Variants in DNAAF9 observed in about 807,000 individuals in gnomAD.
The protein encoded by DNAAF9 is shulin.
DNAAF9 carries 90 observed loss-of-function variants against 167.0 expected under a neutral mutation model. That is an observed-to-expected ratio of 0.54 (90% confidence interval 0.45 to 0.64). DNAAF9 has a LOEUF of 0.64. DNAAF9 is among the 30% of genes least tolerant of loss of function. The pLI is 0.00. For synonymous variants in DNAAF9, 491 were observed against 508.8 expected (o/e 0.96, Z 0.47); for missense variants, 1,315 against 1,442.2 (o/e 0.91, Z 1.43).
chr20:3,368,183 C>A (rs532049584), intron 6 of DNAAF9, among the ~76,000 whole-genome samples: 14 of 152,270 alleles, frequency 9.2e-5, no homozygotes, highest in Non-Finnish European at 2.1e-4. Flanking sequence ...CTTTAGTACT[C>A]TAACTGCTTT....
intron 30 of DNAAF9, among the ~76,000 whole-genome samples, chr20:3,265,576 GA>G (rs1228259726): frequency 0.026 from 882 of 33,858 alleles, 2 homozygotes; most frequent in African/African-American, 0.033. Flanking sequence ...CTCTGTCTCA[GA>G]AAAAAAAAAA....
At chr20:3,295,880 G>C (rs1483042227) in intron 23 of DNAAF9, 8 of 1,162,422 alleles carry the variant, frequency 6.9e-6, no homozygotes, top group Non-Finnish European at 1.0e-5. Flanking sequence ...TCTCATGGGA[G>C]CCCAGCCAGT....
At position 3,294,526 on chromosome 20, in the gene DNAAF9, A is replaced by C. The variant is rs1478094465; in HGVS notation, c.2120+2T>G. The stretch of plus-strand genomic sequence containing the variant: ...ACATCTATAAACAGAACCAGAGCTT[A>C]CCAGTCCAGCTCTGGGAGTTTGGCT... On this transcript the variant is annotated splice_donor_variant, in intron 24 of 36. Coordinates refer to ENST00000252032, the MANE Select transcript of DNAAF9 (RefSeq NM_001009984.3). LOFTEE classifies it high-confidence loss of function. 6.3e-7 allele frequency: 1 copy of C among 1,580,524 alleles called. No individual in the cohort carries two copies. The highest frequency in any genetic ancestry group is 1.7e-5 in the Admixed American group (1 of 59,970).
At chr20:3,323,084 T>C (rs1021616590) in intron 14 of DNAAF9, among the ~76,000 whole-genome samples, 2 of 151,376 alleles carry the variant, frequency 1.3e-5, no homozygotes, top group Non-Finnish European at 1.5e-5. Context: ...GGTGAGGCCT[T>C]CAGAGTTGAG....
intron 6 of DNAAF9, among the ~76,000 whole-genome samples, chr20:3,373,769 TA>T (rs1040477047): frequency 2.6e-5 from 4 of 152,100 alleles, no homozygotes; most frequent in African/African-American, 9.7e-5. Context: ...AAAGTCAATC[TA>T]GGGGGCTACA....
chr20:3,257,567 G>A lies in DNAAF9; in HGVS notation c.3056-1356C>T, dbSNP rs561763464. ...ATTTATTTATTTATTTTATTGAGAC[G>A]GAGTTTCACTCTGTCGCCCAGGCTG... On this transcript the variant is annotated intron_variant, in intron 33 of 36. Transcript: ENST00000252032. Among the ~76,000 whole-genome samples the A allele has an allele frequency of 2.4e-4, 37 of 152,166 alleles. No homozygotes were observed. In the South Asian group the frequency reaches 7.3e-3, roughly 30 times the overall value.
In DNAAF9 at chr20:3,346,075, C is replaced by A. The variant is rs1393120763; in HGVS notation, c.790-2344G>T. Reference sequence around the variant, plus strand: ...TCAAACATATGAGGGAATGTTCAAACTTACTAATACAGAAATGTAAATTAA... The same window carrying A: ...TCAAACATATGAGGGAATGTTCAAAATTACTAATACAGAAATGTAAATTAA... On this transcript the variant is annotated intron_variant, in intron 8 of 36. Coordinates refer to ENST00000252032, the MANE Select transcript of DNAAF9 (RefSeq NM_001009984.3). Among the ~76,000 whole-genome samples, 3 of 152,166 alleles carry A rather than the reference C, an allele frequency of 2.0e-5. No homozygotes were observed. The East Asian group carries it at 5.8e-4, about 29-fold the overall frequency.
intron 7 of DNAAF9, among the ~76,000 whole-genome samples, chr20:3,355,403 C>T (rs568524191): frequency 2.6e-5 from 4 of 151,924 alleles, no homozygotes; most frequent in African/African-American, 4.8e-5. Flanking sequence ...GGTAAAACCC[C>T]GTCTCTACTA....
At chr20:3,382,852 G>A (rs1185300134) in intron 1 of DNAAF9, among the ~76,000 whole-genome samples, 1 of 152,154 alleles carries the variant, frequency 6.6e-6, no homozygotes, top group African/African-American at 2.4e-5. Context: ...GACTTTTCAT[G>A]TTTTGAAGAT....
At chr20:3,343,649 CCCT>C in intron 9 of DNAAF9, 24 bp downstream of exon 9, 1 of 1,591,366 alleles carries the variant, frequency 6.3e-7, no homozygotes, top group Non-Finnish European at 8.6e-7. Context: ...TCACCATTCG[CCCT>C]TCTTCCCCAA....
chr20:3,401,074 C>T (rs772897102), intron 1 of DNAAF9, among the ~76,000 whole-genome samples: 26 of 152,132 alleles, frequency 1.7e-4, no homozygotes, highest in Admixed American at 3.3e-4. Context: ...TTATTACTTC[C>T]GTAGATCTGT....
At chr20:3,331,978 C>T (rs66879753) in intron 11 of DNAAF9, among the ~76,000 whole-genome samples, 1 of 152,270 alleles carries the variant, frequency 6.6e-6, no homozygotes, top group South Asian at 2.1e-4. Context: ...CTGGTCCCTA[C>T]CTCCTGCTTT....
chr20:3,390,661 G>A (rs1281503359), intron 1 of DNAAF9, among the ~76,000 whole-genome samples: 1 of 152,100 alleles, frequency 6.6e-6, no homozygotes. Context: ...TGCCACGCCT[G>A]GCCTCTCACA....
intron 6 of DNAAF9, among the ~76,000 whole-genome samples, chr20:3,372,158 T>C (rs191248838): frequency 6.6e-6 from 1 of 152,332 alleles, no homozygotes; most frequent in East Asian, 1.9e-4. Flanking sequence ...AGTATAGCTC[T>C]CCTTTTCTTA....
rs946783105 is a variant in DNAAF9 at position 3,251,630 on chromosome 20, G to C, written c.*942C>G. ...GCAACAACACTTTGGGGAGCGGGGG[G>C]ATGAGTTTCCTGAAGTTTGTGGCTG... On this transcript the variant is annotated 3_prime_UTR_variant, in exon 37 of 37. Coordinates refer to ENST00000252032, the MANE Select transcript of DNAAF9 (RefSeq NM_001009984.3). 3.9e-5 allele frequency: 6 copies of C among 152,350 alleles called. No individual in the cohort carries two copies. The highest frequency in any genetic ancestry group is 7.3e-5 in the Non-Finnish European group (5 of 68,138). The allele number at this position is 152,350 out of a possible 1,614,324, so 9.4% of individuals were successfully genotyped here.
intron 6 of DNAAF9, among the ~76,000 whole-genome samples, chr20:3,367,683 TTCA>T (rs1333259679): frequency 6.6e-6 from 1 of 151,938 alleles, no homozygotes; most frequent in African/African-American, 2.4e-5. Context: ...ATCATTTAAG[TTCA>T]TCATCTCATA....
intron 31 of DNAAF9, among the ~76,000 whole-genome samples, chr20:3,261,994 T>C (rs535361442): frequency 2.6e-5 from 4 of 152,116 alleles, no homozygotes; most frequent in Non-Finnish European, 5.9e-5. Flanking sequence ...TGGCAGAGAA[T>C]GTGTGCACAG....
intron 1 of DNAAF9, among the ~76,000 whole-genome samples, chr20:3,392,190 T>A (rs925913467): frequency 1.3e-5 from 2 of 151,888 alleles, no homozygotes; most frequent in African/African-American, 4.8e-5. Flanking sequence ...GAAATAAATT[T>A]TTTCAAACAT....
chr20:3,328,029 T>A (rs1264990949), intron 12 of DNAAF9, among the ~76,000 whole-genome samples: 1 of 152,060 alleles, frequency 6.6e-6, no homozygotes, highest in Non-Finnish European at 1.5e-5. Context: ...TGCAAAGATA[T>A]CCCCCTCCTC....
Sources: allele counts gnomAD v4.1 joint callset (sites outside exome capture counted in the v4.1 genomes callset), GRCh38; gene constraint gnomAD v4.1.1; transcripts MANE v1.5; gene names NCBI Gene and HGNC (gene_info 2026-07-23, HGNC 2026-07-21).